The following IL1RAPL2 variants were observed in gnomAD, a reference collection of about 807,000 sequenced individuals.
IL1RAPL2 encodes X-linked interleukin-1 receptor accessory protein-like 2.
A neutral mutation model predicts 44.1 loss-of-function variants in IL1RAPL2; 3 were observed. The observed-to-expected ratio is 0.07, with a 90% CI of 0.03 to 0.18. The LOEUF (loss-of-function observed/expected upper bound fraction) is 0.18, where lower values mean the gene tolerates loss of function less well. Ranked by LOEUF, IL1RAPL2 falls within the 10% of genes least tolerant of loss-of-function variation. IL1RAPL2 has a pLI of 1.00. For synonymous variants in IL1RAPL2, 181 were observed against 178.8 expected (o/e 1.01, Z -0.10); for missense variants, 391 against 496.4 (o/e 0.79, Z 2.02).
rs781814135 is a variant in IL1RAPL2, at chrX:105,241,145, TGCTTCA to T, written c.543+7143_543+7148del. ...TAATCCTGTTTACCTCTCTTTTGGATGCTTCAGGGGCCCTCTGTAGCATCCTAAAGT... is the reference window on the plus strand; with the variant it reads ...TAATCCTGTTTACCTCTCTTTTGGATGGGGCCCTCTGTAGCATCCTAAAGT... On this transcript the variant is annotated intron_variant, in intron 4 of 10. Coordinates refer to ENST00000372582, the MANE Select transcript of IL1RAPL2 (RefSeq NM_017416.2). Among the ~76,000 whole-genome samples the T allele has an allele frequency of 5.6e-3, 626 of 111,850 alleles. 5 individuals carry two copies. The highest frequency in any genetic ancestry group is 0.019 in the African/African-American group (593 of 30,777).
chrX:105,655,645 A>G (rs2037672430), intron 6 of IL1RAPL2, among the ~76,000 whole-genome samples: 1 of 112,273 alleles, frequency 8.9e-6, no homozygotes, highest in African/African-American at 3.2e-5. Flanking sequence ...AAAAGCATGA[A>G]TCAGACAGTA....
In IL1RAPL2 at chrX:105,220,168, C is replaced by T. The variant is rs922489358; in HGVS notation, c.357-13650C>T. The T allele has an allele frequency of 7.4e-6, 9 of 1,210,126 alleles. No homozygotes were observed. In the African/African-American group the frequency reaches 1.2e-4, roughly 16 times the overall value. On this transcript the variant is annotated intron_variant, in intron 3 of 10. Transcript: ENST00000372582. ...TAGCTGTGCCTGCCTGTGGGCAAAG[C>T]GCACTCCCAAGGCCAGGCTGCCCCA...
intron 6 of IL1RAPL2, among the ~76,000 whole-genome samples, chrX:105,656,513 A>G (rs939049401): frequency 8.9e-6 from 1 of 111,830 alleles, no homozygotes; most frequent in African/African-American, 3.3e-5. Flanking sequence ...GCTCTAGGAG[A>G]CCAAAAATAA....
intron 6 of IL1RAPL2, among the ~76,000 whole-genome samples, chrX:105,489,313 GA>G (rs763055734): frequency 0.22 from 23,646 of 107,790 alleles, 6,389 homozygotes; most frequent in African/African-American, 0.75. Context: ...CTCAGCAGTT[GA>G]AAAAAAAATA....
chrX:105,684,076 G>A (rs1220596250), intron 6 of IL1RAPL2, among the ~76,000 whole-genome samples: 2 of 111,803 alleles, frequency 1.8e-5, no homozygotes, highest in Non-Finnish European at 3.8e-5. Context: ...CAAGATGGCC[G>A]AATAGGAACA....
At position 104,978,441 on chromosome X, in the gene IL1RAPL2, GTC is replaced by G. The variant is rs775406948; in HGVS notation, c.83-217030_83-217029del. 3.6e-4 allele frequency among the ~76,000 whole-genome samples: 40 copies of G among 111,854 alleles called. No individual in the cohort carries two copies. The East Asian group carries it at 9.6e-3, about 27-fold the overall frequency. ...TAATATACTAAAAGTAGCATACTAT[GTC>G]TCTGACACTCTACACTCGCTTTTCC... On this transcript the variant is annotated intron_variant, in intron 2 of 10. Coordinates refer to ENST00000372582, the MANE Select transcript of IL1RAPL2 (RefSeq NM_017416.2).
chrX:105,554,103 C>T (rs1468986445), intron 6 of IL1RAPL2, among the ~76,000 whole-genome samples: 1 of 112,513 alleles, frequency 8.9e-6, no homozygotes, highest in Non-Finnish European at 1.9e-5. Context: ...AGGGCCTATT[C>T]ATATTTCTGT....
intron 6 of IL1RAPL2, among the ~76,000 whole-genome samples, chrX:105,502,002 A>T (rs985041735): frequency 6.2e-5 from 7 of 112,407 alleles, no homozygotes; most frequent in African/African-American, 2.3e-4. Context: ...GAACACATGG[A>T]TATGGGTGAG....
At chrX:105,572,757 C>T (rs1236169851) in intron 6 of IL1RAPL2, among the ~76,000 whole-genome samples, 1 of 111,822 alleles carries the variant, frequency 8.9e-6, no homozygotes, top group Non-Finnish European at 1.9e-5. Context: ...AGTGTTGTAA[C>T]AGTTCTGTTT....
chrX:105,396,930 T>C (rs2035567637), intron 5 of IL1RAPL2, among the ~76,000 whole-genome samples: 1 of 111,244 alleles, frequency 9.0e-6, no homozygotes, highest in Non-Finnish European at 1.9e-5. Context: ...TGAGCGAAGC[T>C]TCATCTGTAT....
At chrX:105,530,624 C>A (rs183171541) in intron 6 of IL1RAPL2, among the ~76,000 whole-genome samples, 71 of 110,520 alleles carry the variant, frequency 6.4e-4, no homozygotes, top group Non-Finnish European at 9.5e-5. Flanking sequence ...TTAAAATATA[C>A]AATTAAGTTA....
At chrX:104,999,543 G>A (rs1039183537) in intron 2 of IL1RAPL2, among the ~76,000 whole-genome samples, 18 of 111,378 alleles carry the variant, frequency 1.6e-4, no homozygotes, top group Non-Finnish European at 3.0e-4. Flanking sequence ...TAAAAGAAGC[G>A]GCTTCTAATA....
At chrX:104,835,837 T>C (rs1017032878) in intron 2 of IL1RAPL2, among the ~76,000 whole-genome samples, 24 of 112,174 alleles carry the variant, frequency 2.1e-4, no homozygotes, top group African/African-American at 7.8e-4. Flanking sequence ...AAAATAACTT[T>C]CTTAAGTTCC....
intron 2 of IL1RAPL2, among the ~76,000 whole-genome samples, chrX:104,867,438 CAAG>C (rs1039057703): frequency 1.8e-4 from 20 of 111,064 alleles, no homozygotes; most frequent in African/African-American, 6.2e-4. Flanking sequence ...TACTTACCAG[CAAG>C]AAGGATTGCT....
intron 2 of IL1RAPL2, among the ~76,000 whole-genome samples, chrX:105,089,590 G>T (rs1246783398): frequency 3.6e-5 from 4 of 111,274 alleles, no homozygotes; most frequent in African/African-American, 1.3e-4. Flanking sequence ...AATTTTATCA[G>T]ATCCCTGCTG....
intron 6 of IL1RAPL2, among the ~76,000 whole-genome samples, chrX:105,605,028 C>T (rs1256471537): frequency 9.1e-5 from 10 of 110,469 alleles, no homozygotes; most frequent in Non-Finnish European, 1.5e-4. Flanking sequence ...CTACCCCTAA[C>T]ATCATAAATG....
chrX:104,686,636 A>G (rs1235224086), intron 2 of IL1RAPL2, among the ~76,000 whole-genome samples: 1 of 112,019 alleles, frequency 8.9e-6, no homozygotes, highest in East Asian at 2.8e-4. Flanking sequence ...TTCATTGCAT[A>G]AAAAGCGTAG....
At chrX:105,301,423 T>C (rs1260561084) in intron 5 of IL1RAPL2, among the ~76,000 whole-genome samples, 2 of 111,274 alleles carry the variant, frequency 1.8e-5, no homozygotes, top group Non-Finnish European at 3.8e-5. Context: ...AGTTATACTA[T>C]TTTTGTTATT....
intron 6 of IL1RAPL2, among the ~76,000 whole-genome samples, chrX:105,630,239 C>G (rs2037482233): frequency 1.8e-5 from 2 of 111,488 alleles, no homozygotes; most frequent in Non-Finnish European, 3.8e-5. Flanking sequence ...CTCTAACATT[C>G]AAGTATTCAC....
Sources: gnomAD v4.1 joint callset for allele counts (sites outside exome capture counted in the v4.1 genomes callset) on GRCh38, gnomAD v4.1.1 for gene constraint, MANE v1.5 for transcripts, NCBI Gene and HGNC (gene_info 2026-07-23, HGNC 2026-07-21) for gene names.